Variants in TRAF5 observed in about 807,000 individuals in gnomAD.
TRAF5 encodes the protein TNF receptor associated factor 5.
Under a neutral mutation model 64.5 loss-of-function variants are expected in TRAF5, and 48 were observed. The observed-to-expected ratio is 0.74, with a 90% CI of 0.59 to 0.95. The LOEUF is 0.95. Among genes scored for constraint, TRAF5 ranks in the 40% least tolerant of loss-of-function variants. The pLI is 0.00. For missense variants in TRAF5, 545 were observed against 662.8 expected (o/e 0.82, Z 1.95); for synonymous variants, 206 against 240.5 (o/e 0.86, Z 1.33).
chr1:211,340,080 G>T (rs1702406846), intron 1 of TRAF5, among the ~76,000 whole-genome samples: 1 of 151,712 alleles, frequency 6.6e-6, no homozygotes. Flanking sequence ...AGCCCGTCTA[G>T]GGTGGTCTCA....
intron 4 of TRAF5, chr1:211,358,877 GTAAA>G (rs1030305890): frequency 5.4e-5 from 8 of 147,810 alleles, no homozygotes; most frequent in African/African-American, 1.7e-4. Flanking sequence ...TTATTGACAT[GTAAA>G]TAAATGTTTA....
intron 1 of TRAF5, among the ~76,000 whole-genome samples, chr1:211,327,918 G>C (rs1702065276): frequency 6.6e-6 from 1 of 152,208 alleles, no homozygotes; most frequent in African/African-American, 2.4e-5. Flanking sequence ...GTTTAATTCT[G>C]TAAATATTTA....
At chr1:211,355,631 C>T (rs1702937839) in intron 3 of TRAF5, among the ~76,000 whole-genome samples, 1 of 152,198 alleles carries the variant, frequency 6.6e-6, no homozygotes, top group Admixed American at 6.5e-5. Flanking sequence ...TGGCATACTA[C>T]AGTCTTGGGA....
chr1:211,369,306 A>G, intron 8 of TRAF5, 146 bp from the exon 9 acceptor site: 1 of 749,868 alleles, frequency 1.3e-6, no homozygotes, highest in East Asian at 3.2e-5. Context: ...ATTATGTAGG[A>G]ATCTACCCTG....
intron 1 of TRAF5, among the ~76,000 whole-genome samples, chr1:211,348,275 A>G (rs1702673791): frequency 6.6e-6 from 1 of 152,220 alleles, no homozygotes; most frequent in African/African-American, 2.4e-5. Context: ...GTTTTGGAAA[A>G]TGGTTATTTT....
At chr1:211,347,154 T>G (rs1364224452) in intron 1 of TRAF5, among the ~76,000 whole-genome samples, 2 of 152,202 alleles carry the variant, frequency 1.3e-5, no homozygotes, top group African/African-American at 4.8e-5. Context: ...TAAGCTGTTA[T>G]ACACAGAGGG....
intron 1 of TRAF5, among the ~76,000 whole-genome samples, chr1:211,350,986 C>T (rs558619064): frequency 5.7e-4 from 87 of 151,458 alleles, no homozygotes; most frequent in African/African-American, 2.0e-3. Flanking sequence ...GCTGGGACTA[C>T]AGGTGTGCAC....
intron 1 of TRAF5, among the ~76,000 whole-genome samples, chr1:211,350,315 A>G (rs1297387509): frequency 4.4e-5 from 1 of 22,612 alleles, no homozygotes; most frequent in Admixed American, 3.5e-4. Flanking sequence ...CCCAGGCTCA[A>G]GTGATCCCCC....
chr1:211,371,465 G>C lies in TRAF5; in HGVS notation c.1094G>C (p.Arg365Thr). 10 of 1,606,948 alleles carry C rather than the reference G, an allele frequency of 6.2e-6. No individual in the cohort carries two copies. Among genetic ancestry groups the C allele is most frequent in the Non-Finnish European group, 8.5e-6 (10 of 1,178,508 alleles). Residue 365 changes from arginine (R) to threonine (T), a missense_variant, in exon 10 of 11, where the codon AGA becomes ACA. Coordinates refer to ENST00000261464, the MANE Select transcript of TRAF5 (RefSeq NM_001033910.3). ...KITLLENNDQ[R>T]LAVLEEETNK... is the part of the protein sequence containing the mutation. ...ACCCTGCTAGAAAACAATGATCAAA[G>C]ATTAGGTATGTCTGATATTTTATTT...
At chr1:211,326,715 C>T (rs926319852), upstream of TRAF5, 4 of 986,044 alleles carry the variant, frequency 4.1e-6, no homozygotes, top group African/African-American at 7.0e-5. The surrounding 1 kb of genome is among the most constrained non-coding windows in gnomAD (Gnocchi z 5.0). Context: ...GTCTCAGCCT[C>T]CTCCCGACCC....
rs140223127 is a variant in TRAF5 at position 211,361,038 on chromosome 1, T to C, written c.622-50T>C. The C allele has an allele frequency of 4.2e-4, 665 of 1,578,240 alleles. 1 individual carries two copies. The African/African-American group carries it at 7.9e-3, about 19-fold the overall frequency. On this transcript the variant is annotated intron_variant, in intron 6 of 10. Coordinates refer to ENST00000261464, the MANE Select transcript of TRAF5 (RefSeq NM_001033910.3). ...ACTCTTGGCTCCCTGATTGCTGCAG[T>C]TGGAGAATAAGTGATGAATTTCTAT...
At chr1:211,366,829 G>T (rs1703370342) in intron 8 of TRAF5, among the ~76,000 whole-genome samples, 1 of 152,162 alleles carries the variant, frequency 6.6e-6, no homozygotes, top group African/African-American at 2.4e-5. Flanking sequence ...TTTGAACACT[G>T]CATTCAATTA....
At chr1:211,361,788 C>T (rs1703193563) in intron 7 of TRAF5, among the ~76,000 whole-genome samples, 1 of 143,862 alleles carries the variant, frequency 7.0e-6, no homozygotes. Context: ...CCTCTGCATC[C>T]TGGGTTCAAG....
chr1:211,334,217 A>G (rs990955736), intron 1 of TRAF5, among the ~76,000 whole-genome samples: 1 of 152,228 alleles, frequency 6.6e-6, no homozygotes, highest in African/African-American at 2.4e-5. Flanking sequence ...CCAGCAGTGC[A>G]TTGTGACAGC....
intron 1 of TRAF5, among the ~76,000 whole-genome samples, chr1:211,327,220 G>A (rs138476947): frequency 2.0e-5 from 3 of 152,282 alleles, no homozygotes; most frequent in East Asian, 3.9e-4. Flanking sequence ...CCAGAGGGCG[G>A]CTGTGGACCG....
At chr1:211,344,006 G>A (rs1702519483) in intron 1 of TRAF5, among the ~76,000 whole-genome samples, 1 of 152,112 alleles carries the variant, frequency 6.6e-6, no homozygotes, top group African/African-American at 2.4e-5. Flanking sequence ...TTTCCTCTTG[G>A]TCTGGTTTCT....
At chr1:211,337,005 T>G (rs185634330) in intron 1 of TRAF5, among the ~76,000 whole-genome samples, 29 of 152,346 alleles carry the variant, frequency 1.9e-4, no homozygotes, top group Non-Finnish European at 3.5e-4. Context: ...GTGCCGGGAT[T>G]AAAGGCGTGA....
rs987634575 is a variant in TRAF5, at chr1:211,374,779, A to G, written c.*2077A>G. On this transcript the variant is annotated 3_prime_UTR_variant, in exon 11 of 11. Coordinates refer to ENST00000261464, the MANE Select transcript of TRAF5 (RefSeq NM_001033910.3). ...TGATGTGGAAAACATTTTAAAGTGA[A>G]TTTGTCAAAATGCTGGTTTTGTGTT... The G allele has an allele frequency of 6.6e-6, 1 of 152,204 alleles. No individual in the cohort carries two copies. The highest frequency in any genetic ancestry group is 1.5e-5 in the Non-Finnish European group (1 of 68,030). The allele number at this position is 152,204 out of a possible 1,614,324, so 9.4% of individuals were successfully genotyped here.
At chr1:211,326,672 G>T (rs909887353), upstream of TRAF5, 5 of 985,964 alleles carry the variant, frequency 5.1e-6, no homozygotes, top group African/African-American at 8.7e-5. The surrounding 1 kb of genome is among the most constrained non-coding windows in gnomAD (Gnocchi z 5.0). Context: ...GTTCTGAAGC[G>T]GGTAGGTTAG....
Sources: allele counts gnomAD v4.1 joint callset (sites outside exome capture counted in the v4.1 genomes callset), GRCh38; gene constraint gnomAD v4.1.1; non-coding constraint Gnocchi (gnomAD v3.1); transcripts MANE v1.5; gene names NCBI Gene and HGNC (gene_info 2026-07-23, HGNC 2026-07-21).